The following FARSA variants were observed in gnomAD, a reference collection of about 807,000 sequenced individuals.
FARSA encodes phenylalanyl-tRNA synthetase subunit alpha.
A neutral mutation model predicts 63.2 loss-of-function variants in FARSA; 37 were observed. The ratio of observed to expected loss-of-function variants is 0.59; its 90% CI spans 0.45 to 0.77. The LOEUF is 0.77. Ranked by LOEUF, FARSA falls within the 30% of genes least tolerant of loss-of-function variation. The pLI, the probability that FARSA is intolerant of heterozygous loss-of-function variation, is 0.00. For synonymous variants in FARSA, 312 were observed against 285.1 expected (o/e 1.09, Z -0.95); for missense variants, 618 against 696.6 (o/e 0.89, Z 1.27).
At chr19:12,927,460 G>A (rs915300524) in intron 7 of FARSA, among the ~76,000 whole-genome samples, 3 of 152,034 alleles carry the variant, frequency 2.0e-5, no homozygotes, top group African/African-American at 4.8e-5. Flanking sequence ...TGGGCTAGGC[G>A]TGGTGCTCAC....
rs1272651192 is a variant in FARSA, at chr19:12,922,799, C to T, written c.1476G>A (p.Leu492=). 2.5e-6 allele frequency: 4 copies of T among 1,614,014 alleles called. No individual in the cohort carries two copies. Among genetic ancestry groups the T allele is most frequent in the African/African-American group, 2.7e-5 (2 of 74,930 alleles). ...GCCTCGGCTCGGCATCCAGGCGGCA[C>T]AGGGGACTGTCATACACCATCTGCA... ...VNLQMVYDSP[L]CRLDAEPRPP... Residue 492 remains leucine, a synonymous_variant, in exon 13 of 13, where the codon CTG becomes CTA. Coordinates refer to ENST00000314606, the MANE Select transcript of FARSA (RefSeq NM_004461.3).
Position 12,924,605 on chromosome 19 carries a change from C to A in FARSA, c.1195+34G>T. ...TGATCAACACACCTGCCCGCTGCCT[C>A]ACCACCATGGCCCACCCCTGCCCCC... On this transcript the variant is annotated intron_variant, in intron 10 of 12. Coordinates refer to ENST00000314606, the MANE Select transcript of FARSA (RefSeq NM_004461.3). The surrounding 1 kb of genome is among the most constrained non-coding windows in gnomAD (Gnocchi z 6.4). 6.2e-7 allele frequency: 1 copy of A among 1,612,172 alleles called. No individual in the cohort carries two copies. Among genetic ancestry groups the A allele is most frequent in the Non-Finnish European group, 8.5e-7 (1 of 1,179,228 alleles).
intron 1 of FARSA, 176 bp downstream of exon 1, chr19:12,933,374 C>CA: frequency 1.5e-6 from 1 of 673,362 alleles, no homozygotes; most frequent in Admixed American, 3.1e-5. Context: ...GCATGAGGAA[C>CA]ATCCGTGCGT....
rs111757774 is a variant in FARSA, at chr19:12,931,815, G to A, written c.148-1066C>T. Among the ~76,000 whole-genome samples the A allele has an allele frequency of 5.9e-3, 894 of 152,272 alleles. 7 individuals carry two copies. The highest frequency in any genetic ancestry group is 0.014 in the Middle Eastern group (4 of 294). On this transcript the variant is annotated intron_variant, in intron 1 of 12. Transcript: ENST00000314606. ...AGAGTCATGAAGACAAGGACAACAAGGGTAAGTAGAGTGCACAGGGCCTGG... is the reference window on the plus strand; with the variant it reads ...AGAGTCATGAAGACAAGGACAACAAAGGTAAGTAGAGTGCACAGGGCCTGG...
rs770114701 is a variant in FARSA, at chr19:12,924,926, G to A, written c.1004C>T (p.Ala335Val). The A allele has an allele frequency of 2.4e-5, 39 of 1,614,236 alleles. No individual in the cohort carries two copies. The highest frequency in any genetic ancestry group is 1.2e-4 in the Admixed American group (7 of 60,032). The change falls in exon 9 of 13, where the codon GCG (alanine) becomes GTG (valine). Residue 335 changes from alanine (A) to valine (V), a missense_variant. Ala to Val is a moderately conservative substitution (Grantham distance 64, BLOSUM62 0). Coordinates refer to ENST00000314606, the MANE Select transcript of FARSA (RefSeq NM_004461.3). The surrounding 1 kb of genome is among the most constrained non-coding windows in gnomAD (Gnocchi z 6.4). ...RTHTTSASAR[A>V]LYRLAQKKPF... ...CACCTTCTGGGCAAGGCGGTAGAGCGCACGGGCGCTGGCTGATGTGGTGTG... is the reference window on the plus strand; with the variant it reads ...CACCTTCTGGGCAAGGCGGTAGAGCACACGGGCGCTGGCTGATGTGGTGTG...
chr19:12,933,412 C>G, intron 1 of FARSA, 138 bp downstream of exon 1: 2 of 1,026,118 alleles, frequency 1.9e-6, no homozygotes, highest in Non-Finnish European at 2.7e-6. Context: ...CCACTTCCCG[C>G]CCGCACATCC....
In FARSA at chr19:12,933,650, G is replaced by A. The variant is rs767910966; in HGVS notation, c.47C>T (p.Ala16Val). ...GGCGCTGTCCAGGCCGCCATCAGAC[G>A]CCTCCAGCCGCCGGAGCAGCAGTTC... is the stretch of plus-strand genomic sequence containing the variant. Reference protein sequence around the residue: ...VAELLLRRLEASDGGLDSAEL... With the variant: ...VAELLLRRLEVSDGGLDSAEL... Residue 16 changes from alanine to valine, a missense_variant, in exon 1 of 13, where the codon GCG (alanine) becomes GTG (valine). Ala to Val is a moderately conservative substitution (Grantham distance 64). Transcript: ENST00000314606. The A allele has an allele frequency of 7.7e-6, 12 of 1,565,568 alleles. No individual in the cohort carries two copies. Among genetic ancestry groups the A allele is most frequent in the South Asian group, 7.0e-5 (6 of 86,036 alleles).
chr19:12,928,813 CACT>C lies in FARSA; in HGVS notation c.535_537del (p.Ser179del), dbSNP rs749821088. The C allele has an allele frequency of 1.9e-6, 3 of 1,614,174 alleles. No individual in the cohort carries two copies. Among genetic ancestry groups the C allele is most frequent in the Non-Finnish European group, 2.5e-6 (3 of 1,180,026 alleles). On this transcript the variant is annotated inframe_deletion, in exon 5 of 13. Coordinates refer to ENST00000314606, the MANE Select transcript of FARSA (RefSeq NM_004461.3). Reference sequence around the variant, plus strand: ...TGCTTGGAGATGCTGGTACTAAAGGCACTGCCTTTGCTCACCCAGTAGGTCTTC... The same window carrying C: ...TGCTTGGAGATGCTGGTACTAAAGGCGCCTTTGCTCACCCAGTAGGTCTTC...
chr19:12,925,124 G>A lies in FARSA; in HGVS notation c.892C>T (p.Arg298Trp), dbSNP rs1405399232. The A allele has an allele frequency of 1.2e-6, 2 of 1,607,882 alleles. No homozygotes were observed. Among genetic ancestry groups the A allele is most frequent in the South Asian group, 1.1e-5 (1 of 90,258 alleles). ...LPMDYVQRVK[R>W]THSQGGYGSQ... is the part of the protein sequence containing the mutation. ...CCGTAGCCGCCCTGAGAGTGGGTCC[G>A]CTTGACCCGCTGGACATAGTCCATT... Residue 298 changes from arginine (R) to tryptophan (W), a missense_variant, in exon 8 of 13, where the codon CGG (arginine) becomes TGG (tryptophan). By Grantham distance (101) the Arg-to-Trp change is moderately radical. Transcript: ENST00000314606.
chr19:12,924,734 A>G lies in FARSA; in HGVS notation c.1100T>C (p.Leu367Pro). The G allele has an allele frequency of 6.2e-7, 1 of 1,600,744 alleles. No individual in the cohort carries two copies. Among genetic ancestry groups the G allele is most frequent in the Non-Finnish European group, 8.5e-7 (1 of 1,170,830 alleles). ...FRNETLDATH[L>P]AEFHQIEGVV... Reference sequence around the variant, plus strand: ...GCCCTCGATCTGGTGGAACTCAGCCAGGTGCGTGGCGTCCAGGGTCTCATT... The same window carrying G: ...GCCCTCGATCTGGTGGAACTCAGCCGGGTGCGTGGCGTCCAGGGTCTCATT... The change falls in exon 10 of 13, where the codon CTG (leucine) becomes CCG (proline). Residue 367 changes from leucine to proline, a missense_variant. Coordinates refer to ENST00000314606, the MANE Select transcript of FARSA (RefSeq NM_004461.3). The surrounding 1 kb of genome is among the most constrained non-coding windows in gnomAD (Gnocchi z 6.4).
At position 12,928,273 on chromosome 19, in the gene FARSA, C is replaced by A; in HGVS notation, c.841+69G>T. 14 of 1,246,314 alleles carry A rather than the reference C, an allele frequency of 1.1e-5. No individual in the cohort carries two copies. The South Asian group carries it at 1.8e-4, about 16-fold the overall frequency. 77.2% of individuals were successfully genotyped at this position (1,246,314 alleles called of 1,614,324 possible). On this transcript the variant is annotated intron_variant, in intron 7 of 12. Coordinates refer to ENST00000314606, the MANE Select transcript of FARSA (RefSeq NM_004461.3). ...ACCTAATTTGATCAAATGGGATGCC[C>A]ATCCTGTAAAGGCTCCGCCGTGGCC...
rs768866844 is a variant in FARSA, at chr19:12,928,443, G to A, written c.740C>T (p.Pro247Leu). 2.7e-5 allele frequency: 43 copies of A among 1,613,986 alleles called. No homozygotes were observed. The highest frequency in any genetic ancestry group is 6.7e-5 in the African/African-American group (5 of 74,910). Residue 247 changes from proline (P) to leucine (L), a missense_variant, in exon 7 of 13, where the codon CCG becomes CTG. Physicochemically the swap from Pro to Leu is moderately conservative, Grantham distance 98 (BLOSUM62 -3). Coordinates refer to ENST00000314606, the MANE Select transcript of FARSA (RefSeq NM_004461.3). ...IFLEMGFTEM[P>L]TDNFIESSFW... ...GGAGCTCTCAATGAAGTTATCAGTC[G>A]GCATCTCGGTGAACCTGGTGGGAGA... is the stretch of plus-strand genomic sequence containing the variant.
At chr19:12,927,593 G>T (rs748072383) in intron 7 of FARSA, among the ~76,000 whole-genome samples, 1 of 151,550 alleles carries the variant, frequency 6.6e-6, no homozygotes, top group African/African-American at 2.4e-5. Context: ...TTAGCCGAGC[G>T]TGGTGGCGGG....
chr19:12,933,653 T>A lies in FARSA; in HGVS notation c.44A>T (p.Glu15Val). ...QVAELLLRRL[E>V]ASDGGLDSAE... Reference sequence around the variant, plus strand: ...GCTGTCCAGGCCGCCATCAGACGCCTCCAGCCGCCGGAGCAGCAGTTCCGC... The same window carrying A: ...GCTGTCCAGGCCGCCATCAGACGCCACCAGCCGCCGGAGCAGCAGTTCCGC... Residue 15 changes from glutamate (E) to valine (V), a missense_variant, in exon 1 of 13, where the codon GAG becomes GTG. By Grantham distance (121) the Glu-to-Val change is moderately radical (BLOSUM62 -2). Coordinates refer to ENST00000314606, the MANE Select transcript of FARSA (RefSeq NM_004461.3). 6.4e-7 allele frequency: 1 copy of A among 1,566,714 alleles called. No homozygotes were observed. Among genetic ancestry groups the A allele is most frequent in the Non-Finnish European group, 8.6e-7 (1 of 1,160,138 alleles).
At chr19:12,930,006 C>A (rs1971372164) in intron 4 of FARSA, among the ~76,000 whole-genome samples, 1 of 152,136 alleles carries the variant, frequency 6.6e-6, no homozygotes, top group African/African-American at 2.4e-5. Context: ...TGATGAGGAG[C>A]CTATCTTGAA....
Position 12,930,671 on chromosome 19 carries a change from G to A in FARSA, c.226C>T (p.His76Tyr). 1 of 1,613,898 alleles carries A rather than the reference G, an allele frequency of 6.2e-7. No individual in the cohort carries two copies. Among genetic ancestry groups the A allele is most frequent in the Non-Finnish European group, 8.5e-7 (1 of 1,180,016 alleles). Residue 76 changes from histidine (H) to tyrosine (Y), a missense_variant, in exon 2 of 13, where the codon CAT (histidine) becomes TAT (tyrosine). Transcript: ENST00000314606. ...EGEEIAREGS[H>Y]EARVFRSIPP... ...ATGCTTCGAAACACACGGGCCTCAT[G>A]GCTGCCCTCCCGGGCAATCTCCTCG...
rs1660239681 is a variant in FARSA, at chr19:12,925,133, G to C, written c.883C>G (p.Arg295Gly). The change falls in exon 8 of 13, where the codon CGG becomes GGG. Residue 295 changes from arginine to glycine, a missense_variant. Physicochemically the swap from Arg to Gly is moderately radical, Grantham distance 125. Coordinates refer to ENST00000314606, the MANE Select transcript of FARSA (RefSeq NM_004461.3). ...ALQLPMDYVQ[R>G]VKRTHSQGGY... ...CCCTGAGAGTGGGTCCGCTTGACCC[G>C]CTGGACATAGTCCATTGGGAGCTGC... 2 of 1,605,580 alleles carry C rather than the reference G, an allele frequency of 1.2e-6. No individual in the cohort carries two copies. Among genetic ancestry groups the C allele is most frequent in the African/African-American group, 1.3e-5 (1 of 74,622 alleles).
chr19:12,930,401 GC>G (rs1237892494), intron 3 of FARSA, 27 bp downstream of exon 3: 2 of 1,612,900 alleles, frequency 1.2e-6, no homozygotes, highest in Admixed American at 3.3e-5. Context: ...CCGTCCACCT[GC>G]CCCCTGACCA....
At position 12,924,259 on chromosome 19, in the gene FARSA, T is replaced by C. The variant is rs1189305022; in HGVS notation, c.1280A>G (p.Lys427Arg). ...CGAGTTTCCGACCTCCACCCACTTC[T>C]TCAGGCCTGCAGAGGCAGGACAGAA... Reference protein sequence around the residue: ...MEVFSYHQGLKKWVEVGNSGV... With the variant: ...MEVFSYHQGLRKWVEVGNSGV... Residue 427 changes from lysine (K) to arginine (R), a missense_variant, in exon 12 of 13, where the codon AAG becomes AGG. Transcript: ENST00000314606. The surrounding 1 kb of genome is among the most constrained non-coding windows in gnomAD (Gnocchi z 6.4). The C allele has an allele frequency of 1.2e-6, 2 of 1,613,942 alleles. No homozygotes were observed. Among genetic ancestry groups the C allele is most frequent in the Non-Finnish European group, 1.7e-6 (2 of 1,179,858 alleles).
Sources: allele counts gnomAD v4.1 joint callset (sites outside exome capture counted in the v4.1 genomes callset), GRCh38; gene constraint gnomAD v4.1.1; non-coding constraint Gnocchi (gnomAD v3.1); transcripts MANE v1.5; gene names NCBI Gene and HGNC (gene_info 2026-07-23, HGNC 2026-07-21).